The following IQSEC3 variants were observed in gnomAD, a reference collection of about 807,000 sequenced individuals.
IQSEC3 encodes the protein IQ motif and SEC7 domain-containing protein 3.
IQSEC3 carries 50 observed loss-of-function variants against 105.4 expected under a neutral mutation model. That is an observed-to-expected ratio of 0.47 (90% confidence interval 0.38 to 0.60). IQSEC3 has a LOEUF of 0.60. Ranked by LOEUF, IQSEC3 falls within the 20% of genes least tolerant of loss-of-function variation. The probability of loss-of-function intolerance (pLI) is 0.00; values close to 1 mark genes in which losing one functional copy is unlikely to be tolerated. For synonymous variants in IQSEC3, 708 were observed against 746.0 expected, an observed-to-expected ratio of 0.95 and a Z score of 0.83; for missense variants, 1,415 against 1,630.0, an observed-to-expected ratio of 0.87 and a Z score of 2.27.
In IQSEC3 at chr12:92,481, T is replaced by C. The variant is rs188955948; in HGVS notation, c.555-6665T>C. On this transcript the variant is annotated intron_variant, in intron 1 of 13. Transcript: ENST00000538872. ...CCCAGGCTCGTGCTGTGAGGTAGAT[T>C]GGGGGCTGTATGGTTCCAAAGGCCT... Among the ~76,000 whole-genome samples, 201 of 152,234 alleles carry C rather than the reference T, an allele frequency of 1.3e-3. 2 individuals carry two copies. Among genetic ancestry groups the C allele is most frequent in the African/African-American group, 4.5e-3 (189 of 41,542 alleles).
intron 1 of IQSEC3, among the ~76,000 whole-genome samples, chr12:77,198 G>C (rs566307559): frequency 6.6e-6 from 1 of 152,380 alleles, no homozygotes; most frequent in Admixed American, 6.5e-5. Flanking sequence ...TTAACGCATG[G>C]TAAGAACCCA....
intron 5 of IQSEC3, chr12:144,270 G>A (rs1225989311): frequency 6.6e-6 from 1 of 152,140 alleles, no homozygotes; most frequent in Non-Finnish European, 1.5e-5. Context: ...CTCTGACTGT[G>A]TCTTCCTTAC....
chr12:141,131 G>T lies in IQSEC3; in HGVS notation c.1999G>T (p.Asp667Tyr). Residue 667 changes from aspartate (D) to tyrosine (Y), a missense_variant, in exon 5 of 14, where the codon GAC (aspartate) becomes TAC (tyrosine). Physicochemically the swap from Asp to Tyr is radical, Grantham distance 160 (BLOSUM62 -3). This residue lies in a region of IQSEC3 where 213 missense variants were observed against 306.2 expected (regional missense o/e 0.70). Coordinates refer to ENST00000538872, the MANE Select transcript of IQSEC3 (RefSeq NM_001170738.2). ...CCCCACCCCCACCTCCAGAAACCCC[G>T]ACAAGGGCATCCAGTTCCTGATCTC... ...IGLNLFNINP[D>Y]KGIQFLISRG... is the part of the protein sequence containing the mutation. 1.6e-6 allele frequency: 1 copy of T among 629,340 alleles called. No homozygotes were observed. Among genetic ancestry groups the T allele is most frequent in the Non-Finnish European group, 2.4e-6 (1 of 412,418 alleles). 39.0% of individuals were successfully genotyped at this position (629,340 alleles called of 1,614,324 possible).
At position 108,259 on chromosome 12, in the gene IQSEC3, C is replaced by G. The variant is rs190278947; in HGVS notation, c.623+9045C>G. 3.9e-5 allele frequency among the ~76,000 whole-genome samples: 6 copies of G among 152,334 alleles called. No individual in the cohort carries two copies. The East Asian group carries it at 1.2e-3, about 29-fold the overall frequency. On this transcript the variant is annotated intron_variant, in intron 2 of 13. Transcript: ENST00000538872. Reference sequence around the variant, plus strand: ...TTCTTTCTACCTGCTATTTATTAGGCTCCACTTTGTCCAGATCTTTCCAAA... The same window carrying G: ...TTCTTTCTACCTGCTATTTATTAGGGTCCACTTTGTCCAGATCTTTCCAAA...
At chr12:120,485 C>A (rs12308984) in intron 2 of IQSEC3, among the ~76,000 whole-genome samples, 40,204 of 151,956 alleles carry the variant, frequency 0.26, 5,965 homozygotes, top group Non-Finnish European at 0.34. Context: ...GAGGGTTGGC[C>A]TTGCGGAAAT....
intron 2 of IQSEC3, among the ~76,000 whole-genome samples, chr12:100,343 C>T (rs1185549763): frequency 3.3e-5 from 5 of 152,184 alleles, no homozygotes; most frequent in East Asian, 1.9e-4. Context: ...AAGCTTAGGG[C>T]GCCGGACTCC....
At chr12:149,818 G>C (rs1277960813) in intron 5 of IQSEC3, among the ~76,000 whole-genome samples, 1 of 152,212 alleles carries the variant, frequency 6.6e-6, no homozygotes, top group Non-Finnish European at 1.5e-5. Flanking sequence ...ATGCACCAAA[G>C]TGGGGGCGTG....
intron 5 of IQSEC3, among the ~76,000 whole-genome samples, chr12:153,789 T>C (rs1395873486): frequency 6.6e-6 from 1 of 152,112 alleles, no homozygotes; most frequent in African/African-American, 2.4e-5. Flanking sequence ...GACGGCTGCC[T>C]GGTGGCCTGT....
At chr12:73,933 C>T (rs1555068303) in intron 1 of IQSEC3, among the ~76,000 whole-genome samples, 1 of 152,274 alleles carries the variant, frequency 6.6e-6, no homozygotes, top group African/African-American at 2.4e-5. Flanking sequence ...TTCTAGTTGG[C>T]AAAGGCTTCT....
intron 3 of IQSEC3, among the ~76,000 whole-genome samples, chr12:132,524 G>T (rs1460879814): frequency 6.6e-6 from 1 of 152,140 alleles, no homozygotes; most frequent in Non-Finnish European, 1.5e-5. Context: ...CTGCTGGCAT[G>T]GTCCAAGTGG....
At chr12:118,226 G>A (rs1164530031) in intron 2 of IQSEC3, among the ~76,000 whole-genome samples, 3 of 152,156 alleles carry the variant, frequency 2.0e-5, no homozygotes, top group Non-Finnish European at 4.4e-5. Context: ...CTCGGGCTTC[G>A]AATCAGCATG....
chr12:156,950 A>G (rs1454462544), intron 5 of IQSEC3, 75 bp from the exon 6 acceptor site: 4 of 1,425,830 alleles, frequency 2.8e-6, no homozygotes, highest in South Asian at 1.6e-5. Context: ...GGCTGGGAAC[A>G]GAGGCCAGCG....
intron 5 of IQSEC3, among the ~76,000 whole-genome samples, chr12:156,462 G>T (rs925553960): frequency 1.3e-5 from 2 of 152,060 alleles, no homozygotes; most frequent in Non-Finnish European, 2.9e-5. Context: ...TGGGGCAGCT[G>T]GGGGGAGCTG....
At chr12:162,686 G>A (rs1555096627) in intron 8 of IQSEC3, among the ~76,000 whole-genome samples, 1 of 152,200 alleles carries the variant, frequency 6.6e-6, no homozygotes, top group Non-Finnish European at 1.5e-5. Context: ...AGTCTGTGCA[G>A]GGACAGGCTT....
chr12:71,469 A>T (rs1279410620), intron 1 of IQSEC3, among the ~76,000 whole-genome samples: 1 of 152,288 alleles, frequency 6.6e-6, no homozygotes, highest in Non-Finnish European at 1.5e-5. Flanking sequence ...CCTCTATCAG[A>T]ACAGCACAAG....
At chr12:112,872 T>C (rs1864937984) in intron 2 of IQSEC3, among the ~76,000 whole-genome samples, 2 of 152,166 alleles carry the variant, frequency 1.3e-5, no homozygotes, top group Non-Finnish European at 2.9e-5. Context: ...ACTGTTTTTT[T>C]TCCTACATTT....
At chr12:108,606 A>G (rs1431952957) in intron 2 of IQSEC3, among the ~76,000 whole-genome samples, 1 of 152,214 alleles carries the variant, frequency 6.6e-6, no homozygotes, top group African/African-American at 2.4e-5. Flanking sequence ...ATACCTGCTT[A>G]TTCTCCTCTC....
At chr12:133,993 A>G (rs782800254) in intron 3 of IQSEC3, among the ~76,000 whole-genome samples, 1 of 152,264 alleles carries the variant, frequency 6.6e-6, no homozygotes, top group Non-Finnish European at 1.5e-5. Context: ...CCCCAGCGGC[A>G]GCGGAGTCAG....
chr12:161,774 G>A, intron 7 of IQSEC3, 152 bp from the exon 8 acceptor site: 1 of 656,608 alleles, frequency 1.5e-6, no homozygotes, highest in Non-Finnish European at 2.6e-6. Context: ...TAATTGAATG[G>A]GTATGAGGCA....
Sources: allele counts gnomAD v4.1 joint callset (sites outside exome capture counted in the v4.1 genomes callset), GRCh38; gene constraint gnomAD v4.1.1; regional missense constraint gnomAD v4.1.1; transcripts MANE v1.5; gene names NCBI Gene and HGNC (gene_info 2026-07-23, HGNC 2026-07-21).